NDUFAF6: variants seen among roughly 807,000 people sequenced by gnomAD.
NDUFAF6 encodes NADH:ubiquinone oxidoreductase complex assembly factor 6.
A neutral mutation model predicts 40.8 loss-of-function variants in NDUFAF6; 45 were observed. The observed-to-expected ratio is 1.10, with a 90% confidence interval of 0.87 to 1.42. The LOEUF is 1.42. NDUFAF6 is among the 40% of genes most tolerant of loss of function. The pLI is 0.00. For missense variants in NDUFAF6, 435 were observed against 418.5 expected, an observed-to-expected ratio of 1.04 and a Z score of -0.34; for synonymous variants, 185 against 155.9, an observed-to-expected ratio of 1.19 and a Z score of -1.39.
At chr8:94,918,739 C>T (rs999156633) in intron 1 of NDUFAF6, among the ~76,000 whole-genome samples, 1 of 152,176 alleles carries the variant, frequency 6.6e-6, no homozygotes, top group African/African-American at 2.4e-5. Context: ...TCCCCTGCAC[C>T]CCAATCACAC....
intron 1 of NDUFAF6, among the ~76,000 whole-genome samples, chr8:94,937,455 A>C (rs918206458): frequency 6.6e-5 from 10 of 151,346 alleles, no homozygotes; most frequent in Non-Finnish European, 1.3e-4. Flanking sequence ...AAAAAAAAAA[A>C]CCCAAAAACA....
rs888851424 is a variant in NDUFAF6 at position 95,050,233 on chromosome 8, G to T, written c.816+1675G>T. 2.6e-5 allele frequency among the ~76,000 whole-genome samples: 4 copies of T among 152,174 alleles called. No individual in the cohort carries two copies. In the East Asian group the frequency reaches 7.7e-4, roughly 29 times the overall value. On this transcript the variant is annotated intron_variant, in intron 7 of 8. Coordinates refer to ENST00000396124, the MANE Select transcript of NDUFAF6 (RefSeq NM_152416.4). ...CCAGGCCTCACTCCCTGGAGACTGG[G>T]GTAGTAAATCTGGGATGGGGCCAGG...
intron 4 of NDUFAF6, among the ~76,000 whole-genome samples, chr8:95,113,332 C>G (rs943807148): frequency 2.0e-5 from 3 of 152,178 alleles, no homozygotes; most frequent in African/African-American, 7.2e-5. Flanking sequence ...GGGATAGTAG[C>G]TGACTCATCA....
Position 95,058,271 on chromosome 8 carries a change from C to T in NDUFAF6, c.*334C>T. On this transcript the variant is annotated 3_prime_UTR_variant, in exon 9 of 9. Transcript: ENST00000396124. The stretch of plus-strand genomic sequence containing the variant: ...GGCAGGGAGAAGGAATGTCATTCTC[C>T]CTTCACCACTGGGGAAGGAAAGGGG... 1.5e-5 allele frequency: 20 copies of T among 1,296,956 alleles called. No homozygotes were observed. The highest frequency in any genetic ancestry group is 1.9e-5 in the Non-Finnish European group (20 of 1,027,072). 80.3% of individuals were successfully genotyped at this position (1,296,956 alleles called of 1,614,324 possible).
chr8:94,899,811 C>G (rs1305806720), intron 1 of NDUFAF6, among the ~76,000 whole-genome samples: 1 of 152,188 alleles, frequency 6.6e-6, no homozygotes, highest in East Asian at 1.9e-4. Context: ...TGTTGCCAAA[C>G]TGCCCTTCCA....
intron 1 of NDUFAF6, among the ~76,000 whole-genome samples, chr8:95,025,664 G>A (rs150642507): frequency 6.6e-6 from 1 of 152,178 alleles, no homozygotes; most frequent in African/African-American, 2.4e-5. Flanking sequence ...AAAGCATTTA[G>A]AACAATTCCT....
At chr8:95,051,230 A>T (rs1831391024) in intron 7 of NDUFAF6, among the ~76,000 whole-genome samples, 1 of 152,208 alleles carries the variant, frequency 6.6e-6, no homozygotes, top group Non-Finnish European at 1.5e-5. Context: ...TTCTGTTTAC[A>T]AGGTAAAAGG....
At chr8:94,985,337 A>G (rs1333807910) in intron 2 of NDUFAF6, among the ~76,000 whole-genome samples, 6 of 150,944 alleles carry the variant, frequency 4.0e-5, no homozygotes, top group Non-Finnish European at 7.4e-5. Context: ...ATGCCACTCT[A>G]CATATGCCAC....
Position 94,929,699 on chromosome 8 carries a change from T to C in NDUFAF6, c.-935-15784T>C, listed in dbSNP as rs564955198. On this transcript the variant is annotated intron_variant, in intron 1 of 14. Transcript: ENST00000396113. ...CGGGAAGGAATAGTAACAAATTAAATACTGCACTAATGGGTTAGTTACAGA... is the reference window on the plus strand; with the variant it reads ...CGGGAAGGAATAGTAACAAATTAAACACTGCACTAATGGGTTAGTTACAGA... 2.6e-5 allele frequency: 4 copies of C among 152,344 alleles called. No individual in the cohort carries two copies. The South Asian group carries it at 8.3e-4, about 32-fold the overall frequency. 9.4% of individuals were successfully genotyped at this position (152,344 alleles called of 1,614,324 possible). A position where few individuals can be genotyped will look rare whatever the true frequency, so the allele number is the denominator to read the frequency against.
intron 1 of NDUFAF6, among the ~76,000 whole-genome samples, chr8:94,909,053 TTC>T (rs1818567787): frequency 6.6e-6 from 1 of 152,060 alleles, no homozygotes; most frequent in African/African-American, 2.4e-5. Flanking sequence ...GTTTAGGAAT[TTC>T]AAAAAGCTGG....
At chr8:94,939,861 T>C in intron 1 of NDUFAF6, 7 of 1,610,280 alleles carry the variant, frequency 4.3e-6, no homozygotes, top group Non-Finnish European at 5.9e-6. Flanking sequence ...GTAACGTACC[T>C]GGGACTACTT....
At chr8:95,089,310 A>C (rs896151270) in intron 2 of NDUFAF6, among the ~76,000 whole-genome samples, 5 of 151,792 alleles carry the variant, frequency 3.3e-5, no homozygotes, top group Non-Finnish European at 7.4e-5. Context: ...GCATGAACTC[A>C]TGAACTTCTG....
chr8:95,097,127 T>A (rs1171739436), upstream of NDUFAF6, among the ~76,000 whole-genome samples: 1 of 152,250 alleles, frequency 6.6e-6, no homozygotes, highest in Non-Finnish European at 1.5e-5. Flanking sequence ...ATGTACATTA[T>A]GAACTTAGAG....
intron 1 of NDUFAF6, chr8:94,930,627 GA>G (rs1343338732): frequency 6.2e-7 from 1 of 1,614,214 alleles, no homozygotes; most frequent in African/African-American, 1.3e-5. Flanking sequence ...TATCCACTGG[GA>G]AGGGCGAAAG....
chr8:95,111,478 T>C (rs1809997390), intron 4 of NDUFAF6, among the ~76,000 whole-genome samples: 1 of 152,278 alleles, frequency 6.6e-6, no homozygotes, highest in Non-Finnish European at 1.5e-5. Flanking sequence ...AGAAGCCACA[T>C]ACTGCACATT....
chr8:94,978,345 A>C (rs905916892), intron 1 of NDUFAF6, among the ~76,000 whole-genome samples: 1 of 152,200 alleles, frequency 6.6e-6, no homozygotes, highest in East Asian at 1.9e-4. Context: ...TCTTGCCCTC[A>C]GGACACTTTT....
chr8:94,944,958 G>A (rs1172811577), intron 1 of NDUFAF6, among the ~76,000 whole-genome samples: 1 of 152,204 alleles, frequency 6.6e-6, no homozygotes, highest in Non-Finnish European at 1.5e-5. Context: ...AAGGCAAGGA[G>A]CTATTGGAGA....
intron 2 of NDUFAF6, among the ~76,000 whole-genome samples, chr8:95,007,670 T>G (rs572368930): frequency 1.8e-3 from 272 of 150,298 alleles, no homozygotes; most frequent in African/African-American, 5.6e-3. Context: ...TTTTTTTTTT[T>G]TTTTTTTTTT....
At chr8:94,926,604 A>T (rs1049392987) in intron 1 of NDUFAF6, 2 of 152,222 alleles carry the variant, frequency 1.3e-5, no homozygotes, top group Admixed American at 1.3e-4. Context: ...AAAACTGGAC[A>T]TTTAACAATT....
Sources: gnomAD v4.1 joint callset for allele counts (sites outside exome capture counted in the v4.1 genomes callset) on GRCh38, gnomAD v4.1.1 for gene constraint, MANE v1.5 for transcripts, NCBI Gene and HGNC (gene_info 2026-07-23, HGNC 2026-07-21) for gene names.